ZFYVE16: variants seen among roughly 807,000 people sequenced by gnomAD.
ZFYVE16 encodes the protein zinc finger FYVE-type containing 16.
Under a neutral mutation model 138.1 loss-of-function variants are expected in ZFYVE16, and 89 were observed. The observed-to-expected ratio is 0.64, with a 90% CI of 0.54 to 0.77. The LOEUF is 0.77. ZFYVE16 is among the 30% of genes least tolerant of loss of function. The pLI is 0.00. For missense variants in ZFYVE16, 1,793 were observed against 1,786.7 expected (o/e 1.00, Z -0.06); for synonymous variants, 596 against 618.3 (o/e 0.96, Z 0.53).
chr5:80,443,333 G>A, intron 6 of ZFYVE16, 49 bp downstream of exon 6: 1 of 1,569,516 alleles, frequency 6.4e-7, no homozygotes, highest in Non-Finnish European at 8.6e-7. Context: ...TATTGAAATA[G>A]AAATTCTCTA....
intron 1 of ZFYVE16, among the ~76,000 whole-genome samples, chr5:80,426,217 TG>T (rs1747988831): frequency 6.9e-6 from 1 of 145,562 alleles, no homozygotes; most frequent in Non-Finnish European, 1.5e-5. Flanking sequence ...TGTGTGTGTG[TG>T]TGTGTGTGTG....
At chr5:80,436,615 G>A (rs1749944662) in intron 3 of ZFYVE16, 141 bp from the exon 4 acceptor site, 5 of 654,954 alleles carry the variant, frequency 7.6e-6, no homozygotes, top group Non-Finnish European at 1.2e-5. Context: ...AATAGTTTTG[G>A]AGGTGATTTG....
Position 80,448,027 on chromosome 5 carries a change from C to G in ZFYVE16, c.2726C>G (p.Thr909Arg), listed in dbSNP as rs1288348361. Reference sequence around the variant, plus strand: ...TTTTTTTTATTACATATTTTACAGACAGTAAACACAGTGGATCATTCCCAT... The same window carrying G: ...TTTTTTTTATTACATATTTTACAGAGAGTAAACACAGTGGATCATTCCCAT... ...FSPLSPDVPMTVNTVDHSHST... is the reference protein window; with the variant it reads ...FSPLSPDVPMRVNTVDHSHST... Residue 909 changes from threonine (T) to arginine (R), a missense_variant and splice_region_variant, in exon 8 of 19, where the codon ACA becomes AGA. Thr to Arg is a moderately conservative substitution (Grantham distance 71, BLOSUM62 -1). Coordinates refer to ENST00000505560, the MANE Select transcript of ZFYVE16 (RefSeq NM_001284236.3). The G allele has an allele frequency of 1.9e-6, 3 of 1,588,148 alleles. No homozygotes were observed. The African/African-American group carries it at 4.1e-5, about 21-fold the overall frequency.
chr5:80,441,643 T>C (rs1750723304), intron 5 of ZFYVE16: 4 of 983,734 alleles, frequency 4.1e-6, no homozygotes, highest in Non-Finnish European at 4.8e-6. Context: ...TTGTAGATAA[T>C]GAGAAAGCTG....
intron 1 of ZFYVE16, among the ~76,000 whole-genome samples, chr5:80,414,735 A>G (rs1487391921): frequency 6.6e-6 from 1 of 152,232 alleles, no homozygotes; most frequent in African/African-American, 2.4e-5. Flanking sequence ...GTTGTTCAAC[A>G]GCAAATATAA....
At chr5:80,465,391 C>CTTTTTTTTTTTTTTTTTTT (rs1561325159) in intron 15 of ZFYVE16, among the ~76,000 whole-genome samples, 1 of 33,932 alleles carries the variant, frequency 2.9e-5, no homozygotes, top group African/African-American at 5.8e-5. Flanking sequence ...TTTTTTTTTC[C>CTTTTTTTTTTTTTTTTTTT]TTTTCTTTGT....
In ZFYVE16 at chr5:80,438,198, A is replaced by G; in HGVS notation, c.1513A>G (p.Ser505Gly). Reference sequence around the variant, plus strand: ...TGAAGGTTTTATTAATACTTTTTCAAGCAATGATATGGATGGGCAAGACTT... The same window carrying G: ...TGAAGGTTTTATTAATACTTTTTCAGGCAATGATATGGATGGGCAAGACTT... Reference protein sequence around the residue: ...CCEGFINTFSSNDMDGQDLDY... With the variant: ...CCEGFINTFSGNDMDGQDLDY... The change falls in exon 4 of 19, where the codon AGC (serine) becomes GGC (glycine). Residue 505 changes from serine to glycine, a missense_variant. Ser to Gly is a moderately conservative substitution (Grantham distance 56, BLOSUM62 0). Coordinates refer to ENST00000505560, the MANE Select transcript of ZFYVE16 (RefSeq NM_001284236.3). The G allele has an allele frequency of 6.2e-7, 1 of 1,614,010 alleles. No individual in the cohort carries two copies. The highest frequency in any genetic ancestry group is 8.5e-7 in the Non-Finnish European group (1 of 1,179,970).
chr5:80,455,846 C>A, intron 12 of ZFYVE16, 72 bp downstream of exon 12: 1 of 1,271,642 alleles, frequency 7.9e-7, no homozygotes, highest in Non-Finnish European at 1.1e-6. Flanking sequence ...AAAGTTTATA[C>A]ATTTATATTT....
At chr5:80,456,902 A>G in intron 13 of ZFYVE16, 43 bp from the exon 14 acceptor site, 3 of 1,567,996 alleles carry the variant, frequency 1.9e-6, no homozygotes, top group Middle Eastern at 1.7e-4. Flanking sequence ...TATAATATTA[A>G]AAGTGTTTCT....
chr5:80,429,971 C>T (rs1298452913), intron 2 of ZFYVE16, among the ~76,000 whole-genome samples: 2 of 152,180 alleles, frequency 1.3e-5, no homozygotes, highest in African/African-American at 4.8e-5. Flanking sequence ...GAGACTTTCA[C>T]TCCCACACAA....
chr5:80,463,203 A>G (rs1580332966), intron 15 of ZFYVE16, among the ~76,000 whole-genome samples: 1 of 152,314 alleles, frequency 6.6e-6, no homozygotes, highest in East Asian at 1.9e-4. Flanking sequence ...GAGGTTCTCC[A>G]TGAGGGTTCC....
intron 2 of ZFYVE16, among the ~76,000 whole-genome samples, chr5:80,427,944 C>T (rs1237312929): frequency 8.2e-6 from 1 of 122,400 alleles, no homozygotes; most frequent in Non-Finnish European, 1.6e-5. Flanking sequence ...TGCACTCTAG[C>T]ATGCGTGACA....
rs930717925 is a variant in ZFYVE16, at chr5:80,474,729, A to G, written c.4360A>G (p.Ile1454Val). The G allele has an allele frequency of 6.2e-7, 1 of 1,614,006 alleles. No individual in the cohort carries two copies. The highest frequency in any genetic ancestry group is 8.5e-7 in the Non-Finnish European group (1 of 1,179,900). Reference sequence around the variant, plus strand: ...AACTTCTTATCAGTTTGCAAAAGAAATAGCCATGGCTTGTAGTGCTGCGCT... The same window carrying G: ...AACTTCTTATCAGTTTGCAAAAGAAGTAGCCATGGCTTGTAGTGCTGCGCT... ...LSTSYQFAKEIAMACSAALCP... is the reference protein window; with the variant it reads ...LSTSYQFAKEVAMACSAALCP... Residue 1454 changes from isoleucine (I) to valine (V), a missense_variant, in exon 18 of 19, where the codon ATA becomes GTA. Ile to Val is a conservative substitution (Grantham distance 29). This residue lies in a region of ZFYVE16 where 498 missense variants were observed against 582.4 expected (regional missense o/e 0.86). Transcript: ENST00000505560.
At position 80,448,232 on chromosome 5, in the gene ZFYVE16, A is replaced by C; in HGVS notation, c.2931A>C (p.Glu977Asp). 6.2e-7 allele frequency: 1 copy of C among 1,613,830 alleles called. No individual in the cohort carries two copies. The highest frequency in any genetic ancestry group is 1.1e-5 in the South Asian group (1 of 91,054). The change falls in exon 8 of 19, where the codon GAA becomes GAC. Residue 977 changes from glutamate (E) to aspartate (D), a missense_variant. Transcript: ENST00000505560. ...ATGATGTTTTTGCAGAAACTGAAGA[A>C]CCATCTAGTCCTACTGGTGTCTTAG... ...LDDDVFAETEEPSSPTGVLVN... is the reference protein window; with the variant it reads ...LDDDVFAETEDPSSPTGVLVN...
In ZFYVE16 at chr5:80,451,593, A is replaced by T. The variant is rs922095620; in HGVS notation, c.3491A>T (p.Asp1164Val). Residue 1164 changes from aspartate (D) to valine (V), a missense_variant, in exon 11 of 19, where the codon GAT becomes GTT. By Grantham distance (152) the Asp-to-Val change is radical. Around this residue, in one of 2 missense-constraint regions of ZFYVE16, gnomAD observed 498 missense variants for 582.4 expected, o/e 0.86. Transcript: ENST00000505560. ...FITPTFQKLD[D>V]LSLPSNPFLC... ...ACACCTACTTTTCAGAAACTTGATG[A>T]TCTCTCATTACCAAGTAATCCTTTT... The T allele has an allele frequency of 6.2e-7, 1 of 1,613,894 alleles. No individual in the cohort carries two copies. Among genetic ancestry groups the T allele is most frequent in the Non-Finnish European group, 8.5e-7 (1 of 1,179,906 alleles).
rs552494073 is a variant in ZFYVE16 at position 80,481,259 on chromosome 5, C to T, written c.*3882C>T. ...ACACTGGCAATGGGGAGGCTAACGC[C>T]CTGACTTTCTAGCCAAAAACCAAGA... On this transcript the variant is annotated 3_prime_UTR_variant, in exon 19 of 19. Transcript: ENST00000505560. Among the ~76,000 whole-genome samples, 2 of 152,174 alleles carry T rather than the reference C, an allele frequency of 1.3e-5. No individual in the cohort carries two copies. The highest frequency in any genetic ancestry group is 4.2e-4 in the South Asian group (2 of 4,800).
At chr5:80,445,851 C>G (rs570866161) in intron 7 of ZFYVE16, among the ~76,000 whole-genome samples, 113 of 150,810 alleles carry the variant, frequency 7.5e-4, no homozygotes, top group African/African-American at 2.7e-3. Flanking sequence ...TCTCATCCTC[C>G]TGAGTCATTG....
At chr5:80,456,060 C>T in intron 12 of ZFYVE16, 1 of 345,204 alleles carries the variant, frequency 2.9e-6, no homozygotes, top group Non-Finnish European at 5.2e-6. Context: ...TCTATACAGA[C>T]CTCTTAAAGT....
At chr5:80,463,126 G>A (rs889854629) in intron 15 of ZFYVE16, among the ~76,000 whole-genome samples, 1 of 152,180 alleles carries the variant, frequency 6.6e-6, no homozygotes, top group African/African-American at 2.4e-5. Context: ...TCTTCTCACA[G>A]CTCCACTAGG....
Sources: allele counts gnomAD v4.1 joint callset (sites outside exome capture counted in the v4.1 genomes callset), GRCh38; gene constraint gnomAD v4.1.1; regional missense constraint gnomAD v4.1.1; transcripts MANE v1.5; gene names NCBI Gene and HGNC (gene_info 2026-07-23, HGNC 2026-07-21).